ZNF385B: variants seen among roughly 807,000 people sequenced by gnomAD.
ZNF385B encodes the protein zinc finger protein 533.
A neutral mutation model predicts 39.2 loss-of-function variants in ZNF385B; 23 were observed. That is an observed-to-expected ratio of 0.59 (90% CI 0.42 to 0.83). ZNF385B has a LOEUF of 0.83. ZNF385B is among the 40% of genes least tolerant of loss of function. ZNF385B has a pLI of 0.00. For synonymous variants in ZNF385B, 205 were observed against 222.6 expected, an observed-to-expected ratio of 0.92 and a Z score of 0.70; for missense variants, 552 against 598.9, an observed-to-expected ratio of 0.92 and a Z score of 0.82.
Position 179,788,501 on chromosome 2 carries a change from C to A in ZNF385B, c.-154-17829G>T, listed in dbSNP as rs563514950. Among the ~76,000 whole-genome samples the A allele has an allele frequency of 2.6e-5, 4 of 152,174 alleles. No individual in the cohort carries two copies. The South Asian group carries it at 6.2e-4, about 24-fold the overall frequency. On this transcript the variant is annotated intron_variant, in intron 1 of 9. Coordinates refer to ENST00000410066, the MANE Select transcript of ZNF385B (RefSeq NM_152520.6). ...GAGAGTTCAGAACACCAGGTCAAGA[C>A]TAAAAGTGGGCAGCTTTGGTGGGTA...
intron 3 of ZNF385B, among the ~76,000 whole-genome samples, chr2:179,572,687 C>T (rs545717670): frequency 6.6e-6 from 1 of 152,236 alleles, no homozygotes; most frequent in East Asian, 1.9e-4. Flanking sequence ...AACGAGAGGT[C>T]AGTTTGGAGG....
At chr2:179,853,716 G>T (rs890220745) in intron 1 of ZNF385B, among the ~76,000 whole-genome samples, 69 of 152,262 alleles carry the variant, frequency 4.5e-4, no homozygotes, top group African/African-American at 1.5e-3. Context: ...TATGAGTATG[G>T]TAGGTGCCAA....
intron 1 of ZNF385B, among the ~76,000 whole-genome samples, chr2:179,821,843 A>C (rs374696830): frequency 1.3e-5 from 2 of 152,162 alleles, no homozygotes; most frequent in African/African-American, 2.4e-5. Flanking sequence ...GGTACAGTTC[A>C]TAATTCATTA....
At chr2:179,461,300 CTG>C (rs2051317886) in intron 6 of ZNF385B, among the ~76,000 whole-genome samples, 1 of 152,138 alleles carries the variant, frequency 6.6e-6, no homozygotes, top group Non-Finnish European at 1.5e-5. Flanking sequence ...GGAGAATAGA[CTG>C]TGAAAGGATA....
intron 3 of ZNF385B, among the ~76,000 whole-genome samples, chr2:179,713,297 T>C (rs1310018766): frequency 1.3e-5 from 2 of 152,214 alleles, no homozygotes; most frequent in Non-Finnish European, 2.9e-5. Flanking sequence ...TTCTTACCTA[T>C]ATTTACCTCT....
At chr2:179,707,479 G>A (rs1177066159) in intron 3 of ZNF385B, among the ~76,000 whole-genome samples, 1 of 152,174 alleles carries the variant, frequency 6.6e-6, no homozygotes, top group Non-Finnish European at 1.5e-5. Flanking sequence ...GACTATGGAG[G>A]AATTGCAGGA....
chr2:179,676,310 G>A (rs1287924186), intron 3 of ZNF385B, among the ~76,000 whole-genome samples: 1 of 151,486 alleles, frequency 6.6e-6, no homozygotes, highest in Admixed American at 6.6e-5. Context: ...GGATGGTCTC[G>A]ATCTCCCGAC....
chr2:179,697,036 G>T (rs1407962330), intron 3 of ZNF385B, among the ~76,000 whole-genome samples: 2 of 152,226 alleles, frequency 1.3e-5, no homozygotes, highest in Non-Finnish European at 1.5e-5. Context: ...GTAAGAATTT[G>T]GTATTTTCCA....
At chr2:179,707,855 C>T (rs531340310) in intron 3 of ZNF385B, among the ~76,000 whole-genome samples, 5 of 152,310 alleles carry the variant, frequency 3.3e-5, no homozygotes, top group East Asian at 1.9e-4. Flanking sequence ...CAGCCTAATG[C>T]TTTTCTGGTC....
intron 1 of ZNF385B, among the ~76,000 whole-genome samples, chr2:179,790,202 G>A (rs1705244028): frequency 6.6e-6 from 1 of 152,126 alleles, no homozygotes; most frequent in African/African-American, 2.4e-5. Context: ...ATTGAAAAGA[G>A]GAAATATTTG....
chr2:179,775,346 A>C (rs2106513943), intron 1 of ZNF385B, among the ~76,000 whole-genome samples: 1 of 152,368 alleles, frequency 6.6e-6, no homozygotes, highest in Admixed American at 6.5e-5. Context: ...AAAGCTTGTA[A>C]TAAACCAGAA....
intron 1 of ZNF385B, among the ~76,000 whole-genome samples, chr2:179,830,369 C>T (rs945469840): frequency 6.6e-6 from 1 of 152,138 alleles, no homozygotes; most frequent in East Asian, 1.9e-4. Context: ...CAATTGCACT[C>T]CTGGATATTT....
intron 3 of ZNF385B, among the ~76,000 whole-genome samples, chr2:179,754,922 T>A (rs1391020179): frequency 6.6e-6 from 1 of 152,214 alleles, no homozygotes; most frequent in Admixed American, 6.5e-5. Context: ...TTTTTGTGTC[T>A]CTATCTCCTT....
intron 3 of ZNF385B, among the ~76,000 whole-genome samples, chr2:179,690,599 C>T (rs1043308056): frequency 6.6e-6 from 1 of 152,136 alleles, no homozygotes; most frequent in African/African-American, 2.4e-5. Context: ...CAATATTTTG[C>T]AGGACTGTAT....
At chr2:179,672,559 A>G (rs1424167268) in intron 3 of ZNF385B, among the ~76,000 whole-genome samples, 1 of 152,108 alleles carries the variant, frequency 6.6e-6, no homozygotes, top group African/African-American at 2.4e-5. Context: ...CCCAAATTTT[A>G]TGTTGAAATC....
chr2:179,657,722 A>T (rs972699972), intron 3 of ZNF385B, among the ~76,000 whole-genome samples: 1 of 152,240 alleles, frequency 6.6e-6, no homozygotes, highest in Non-Finnish European at 1.5e-5. Flanking sequence ...ACAGTTGATA[A>T]AATAATTTAG....
intron 1 of ZNF385B, among the ~76,000 whole-genome samples, chr2:179,795,373 C>T (rs887947957): frequency 6.6e-6 from 1 of 152,048 alleles, no homozygotes; most frequent in African/African-American, 2.4e-5. Flanking sequence ...GAGATCATCC[C>T]TTGAAGGCAA....
chr2:179,669,550 T>C (rs1196833621), intron 3 of ZNF385B, among the ~76,000 whole-genome samples: 1 of 152,212 alleles, frequency 6.6e-6, no homozygotes, highest in East Asian at 1.9e-4. Context: ...AAGCAGCCTC[T>C]AGGTATCTTG....
chr2:179,840,217 T>C (rs1240890367), intron 1 of ZNF385B, among the ~76,000 whole-genome samples: 1 of 152,216 alleles, frequency 6.6e-6, no homozygotes, highest in Non-Finnish European at 1.5e-5. Context: ...ACAGCCTGCC[T>C]TGTCCCCCAA....
Sources: gnomAD v4.1 joint callset for allele counts (sites outside exome capture counted in the v4.1 genomes callset) on GRCh38, gnomAD v4.1.1 for gene constraint, MANE v1.5 for transcripts, NCBI Gene and HGNC (gene_info 2026-07-23, HGNC 2026-07-21) for gene names.